The following PCDH15 variants were observed in gnomAD, a reference collection of about 807,000 sequenced individuals.
PCDH15 encodes the protein protocadherin-15.
A neutral mutation model predicts 178.5 loss-of-function variants in PCDH15; 129 were observed. The ratio of observed to expected loss-of-function variants is 0.72; its 90% CI spans 0.63 to 0.84. The LOEUF (loss-of-function observed/expected upper bound fraction) is 0.84. Ranked by LOEUF, PCDH15 falls within the 40% of genes least tolerant of loss-of-function variation. The pLI is 0.00. For missense variants in PCDH15, 2,230 were observed against 2,099.9 expected, an observed-to-expected ratio of 1.06 and a Z score of -1.21; for synonymous variants, 800 against 732.0, an observed-to-expected ratio of 1.09 and a Z score of -1.50.
chr10:54,798,891 AG>A, intron 1 of PCDH15, among the ~76,000 whole-genome samples: 1 of 152,144 alleles, frequency 6.6e-6, no homozygotes, highest in East Asian at 1.9e-4. Context: ...TAGGAAAAAA[AG>A]TTCCTACAGT....
chr10:54,214,285 A>C (rs1028342480), intron 9 of PCDH15, among the ~76,000 whole-genome samples: 12 of 152,172 alleles, frequency 7.9e-5, no homozygotes, highest in African/African-American at 2.9e-4. Flanking sequence ...TTTTTTATTA[A>C]GAGGGCTCTA....
intron 1 of PCDH15, among the ~76,000 whole-genome samples, chr10:54,680,430 T>C (rs958974663): frequency 3.3e-5 from 5 of 152,202 alleles, no homozygotes; most frequent in Non-Finnish European, 7.3e-5. Context: ...GTTTGAAATG[T>C]ATTGCTTCAC....
rs1317521611 is a variant in PCDH15, at chr10:55,069,547, G to A, written c.-80+97029C>T. Among the ~76,000 whole-genome samples, 7 of 137,530 alleles carry A rather than the reference G, an allele frequency of 5.1e-5. No individual in the cohort carries two copies. In the East Asian group the frequency reaches 8.9e-4, roughly 17 times the overall value. The allele number at this position is 137,530 out of a possible 152,430, so 90.2% of individuals were successfully genotyped here. A position where few individuals can be genotyped will look rare whatever the true frequency, so the allele number is the denominator to read the frequency against. On this transcript the variant is annotated intron_variant, in intron 2 of 5. Coordinates refer to the PCDH15 transcript ENST00000458638. The stretch of plus-strand genomic sequence containing the variant: ...GCGGTGTTTGGTTTTTTGTTCTTGC[G>A]ATAGTTTACTGAGAATGATGATTTC...
At chr10:54,255,201 C>T (rs1022474447) in intron 8 of PCDH15, among the ~76,000 whole-genome samples, 2 of 152,118 alleles carry the variant, frequency 1.3e-5, no homozygotes, top group Non-Finnish European at 2.9e-5. Context: ...TTCTGATAAG[C>T]CTTCCTATAT....
chr10:55,062,183 G>T (rs900886730), intron 2 of PCDH15, among the ~76,000 whole-genome samples: 1 of 152,236 alleles, frequency 6.6e-6, no homozygotes, highest in African/African-American at 2.4e-5. Flanking sequence ...ATCAGGTCAT[G>T]AGTGGAGCTC....
At chr10:55,114,607 G>A (rs932120555) in intron 2 of PCDH15, among the ~76,000 whole-genome samples, 16 of 152,270 alleles carry the variant, frequency 1.1e-4, no homozygotes, top group African/African-American at 1.7e-4. Context: ...AGAAAGTAAC[G>A]TGGAAGCAAC....
intron 26 of PCDH15, among the ~76,000 whole-genome samples, chr10:53,893,912 C>T (rs2081762569): frequency 6.6e-6 from 1 of 152,042 alleles, no homozygotes; most frequent in African/African-American, 2.4e-5. Context: ...ATCCATGTAG[C>T]CAAAAACCAC....
At chr10:55,279,768 T>C (rs548370241) in intron 1 of PCDH15, among the ~76,000 whole-genome samples, 2 of 152,288 alleles carry the variant, frequency 1.3e-5, no homozygotes, top group African/African-American at 4.8e-5. Context: ...GAAATGGGAC[T>C]ACAATAAGGA....
At chr10:54,852,478 C>T (rs1359911942) in intron 3 of PCDH15, among the ~76,000 whole-genome samples, 1 of 152,042 alleles carries the variant, frequency 6.6e-6, no homozygotes, top group Non-Finnish European at 1.5e-5. Flanking sequence ...AAAGGTTTCC[C>T]AGAGAAAATA....
intron 20 of PCDH15, among the ~76,000 whole-genome samples, chr10:53,998,997 G>C (rs538385321): frequency 6.7e-6 from 1 of 148,976 alleles, no homozygotes; most frequent in East Asian, 2.0e-4. Flanking sequence ...ATGTTGCAGT[G>C]AGCCGAGATC....
At chr10:55,351,903 T>A (rs1006784715) in intron 2 of PCDH15, among the ~76,000 whole-genome samples, 1 of 152,172 alleles carries the variant, frequency 6.6e-6, no homozygotes, top group African/African-American at 2.4e-5. Flanking sequence ...CCTATTATTT[T>A]ACAAATACTG....
chr10:54,192,643 A>G (rs2049156250), intron 11 of PCDH15, among the ~76,000 whole-genome samples: 1 of 152,140 alleles, frequency 6.6e-6, no homozygotes, highest in Non-Finnish European at 1.5e-5. Flanking sequence ...TTTTATATAT[A>G]GAAACTACAT....
At chr10:55,343,833 A>T (rs1211030436) in intron 2 of PCDH15, among the ~76,000 whole-genome samples, 1 of 152,158 alleles carries the variant, frequency 6.6e-6, no homozygotes, top group Non-Finnish European at 1.5e-5. Flanking sequence ...TTCTATGCAC[A>T]GTCAATAAAA....
chr10:53,883,443 T>C (rs1432499840), intron 26 of PCDH15, among the ~76,000 whole-genome samples: 1 of 152,132 alleles, frequency 6.6e-6, no homozygotes, highest in East Asian at 1.9e-4. Flanking sequence ...TCTTTTCTTA[T>C]TCGTTAAATC....
chr10:55,291,007 A>G (rs1364273535), intron 1 of PCDH15, among the ~76,000 whole-genome samples: 2 of 152,122 alleles, frequency 1.3e-5, no homozygotes, highest in African/African-American at 2.4e-5. Flanking sequence ...TAGTGATCTT[A>G]AGATTTCATA....
chr10:53,961,858 T>G lies in PCDH15; in HGVS notation c.2903A>C (p.Asp968Ala), dbSNP rs2088361801. The change falls in exon 22 of 38, where the codon GAT (aspartate) becomes GCT (alanine). Residue 968 changes from aspartate to alanine, a missense_variant. Transcript: ENST00000644397. The stretch of plus-strand genomic sequence containing the variant: ...GGCAGGGTAAGGAAACTGTACATCA[T>G]CTACTCTATACCTCACACGACTTGC... ...LPASRVRYRVDDVQFPYPASI... is the reference protein window; with the variant it reads ...LPASRVRYRVADVQFPYPASI... 6.2e-7 allele frequency: 1 copy of G among 1,610,528 alleles called. No individual in the cohort carries two copies. The highest frequency in any genetic ancestry group is 1.7e-5 in the Admixed American group (1 of 59,978).
At chr10:54,145,432 C>G (rs538854336) in intron 14 of PCDH15, among the ~76,000 whole-genome samples, 2 of 152,060 alleles carry the variant, frequency 1.3e-5, no homozygotes, top group African/African-American at 4.8e-5. Context: ...TTTCCTTTGT[C>G]TTCTACCAAT....
At chr10:53,832,328 T>C (rs1027720279) in intron 29 of PCDH15, among the ~76,000 whole-genome samples, 1 of 152,136 alleles carries the variant, frequency 6.6e-6, no homozygotes, top group East Asian at 1.9e-4. Flanking sequence ...AAATTTGTTA[T>C]GTATTTAATA....
intron 20 of PCDH15, 52 bp from the exon 21 acceptor site, chr10:53,995,817 T>G: frequency 6.6e-7 from 1 of 1,503,772 alleles, no homozygotes; most frequent in South Asian, 1.1e-5. Context: ...AGGTTAGGGA[T>G]ACAGTTACTA....
Sources: allele counts gnomAD v4.1 joint callset (sites outside exome capture counted in the v4.1 genomes callset), GRCh38; gene constraint gnomAD v4.1.1; transcripts MANE v1.5; gene names NCBI Gene and HGNC (gene_info 2026-07-23, HGNC 2026-07-21).